The following FRMD5 variants were observed in gnomAD, a reference collection of about 807,000 sequenced individuals.
The protein encoded by FRMD5 is FERM domain-containing protein 5.
In FRMD5, 20 loss-of-function variants were observed where a neutral mutation model predicts 69.0. That is an observed-to-expected ratio of 0.29 (90% CI 0.20 to 0.42). FRMD5 has a LOEUF of 0.42. FRMD5 is among the 10% of genes least tolerant of loss of function. The probability of loss-of-function intolerance (pLI) is 1.00; values close to 1 mark genes in which losing one functional copy is unlikely to be tolerated. For missense variants in FRMD5, 595 were observed against 708.6 expected (o/e 0.84, Z 1.82); for synonymous variants, 271 against 260.1 (o/e 1.04, Z -0.40).
chr15:44,034,685 A>G (rs999409693), intron 1 of FRMD5, among the ~76,000 whole-genome samples: 1 of 152,064 alleles, frequency 6.6e-6, no homozygotes, highest in Non-Finnish European at 1.5e-5. Flanking sequence ...CTGTGCCCCA[A>G]CCTCCAAGTT....
chr15:44,160,536 A>C lies in FRMD5; in HGVS notation c.102+34417T>G, dbSNP rs113274552. On this transcript the variant is annotated intron_variant, in intron 1 of 13. Coordinates refer to ENST00000417257, the MANE Select transcript of FRMD5 (RefSeq NM_032892.5). ...ATAAACATTTTAGCAAAAGCAAAAC[A>C]TTGCTCATACTGTTTGTATACTGCT... Among the ~76,000 whole-genome samples, 601 of 152,314 alleles carry C rather than the reference A, an allele frequency of 3.9e-3. 5 individuals carry two copies. Among genetic ancestry groups the C allele is most frequent in the African/African-American group, 0.014 (562 of 41,564 alleles).
intron 1 of FRMD5, among the ~76,000 whole-genome samples, chr15:44,185,512 C>T (rs1335330769): frequency 6.6e-6 from 1 of 152,108 alleles, no homozygotes; most frequent in East Asian, 1.9e-4. Flanking sequence ...AGAGGCAAGG[C>T]CAGGCATGGT....
intron 13 of FRMD5, among the ~76,000 whole-genome samples, chr15:43,878,594 T>C (rs1041441969): frequency 6.6e-6 from 1 of 152,230 alleles, no homozygotes; most frequent in African/African-American, 2.4e-5. Context: ...TATGGGTCAC[T>C]GATAAAGCAG....
At chr15:44,145,421 G>A (rs186998908) in intron 1 of FRMD5, among the ~76,000 whole-genome samples, 322 of 152,108 alleles carry the variant, frequency 2.1e-3, no homozygotes, top group Admixed American at 6.3e-3. Context: ...CATAAATGCA[G>A]TGTTCTTGTA....
intron 1 of FRMD5, among the ~76,000 whole-genome samples, chr15:44,053,071 G>A (rs1409647088): frequency 6.6e-6 from 1 of 152,134 alleles, no homozygotes; most frequent in African/African-American, 2.4e-5. Context: ...GATCTGTTGT[G>A]GATTAGGAGT....
At chr15:43,883,202 C>T (rs1380688174) in intron 13 of FRMD5, among the ~76,000 whole-genome samples, 2 of 151,874 alleles carry the variant, frequency 1.3e-5, no homozygotes, top group African/African-American at 2.4e-5. Flanking sequence ...CAGGCTCAAG[C>T]GAGTCTCCTA....
chr15:44,088,235 C>G (rs1330308051), intron 1 of FRMD5, among the ~76,000 whole-genome samples: 3 of 152,072 alleles, frequency 2.0e-5, no homozygotes, highest in Non-Finnish European at 4.4e-5. Flanking sequence ...ACCATCATCA[C>G]AATCAGTTTT....
At chr15:44,036,039 C>T (rs1263741464) in intron 1 of FRMD5, among the ~76,000 whole-genome samples, 1 of 152,138 alleles carries the variant, frequency 6.6e-6, no homozygotes, top group East Asian at 1.9e-4. Context: ...AGAGAAGCCT[C>T]TGGCCAGAGA....
chr15:44,110,419 G>T (rs887835570), intron 1 of FRMD5, among the ~76,000 whole-genome samples: 2 of 152,224 alleles, frequency 1.3e-5, no homozygotes, highest in African/African-American at 4.8e-5. Flanking sequence ...CAAGGAGTGT[G>T]ATTGCTAGAT....
At chr15:44,127,720 C>T (rs921751468) in intron 1 of FRMD5, among the ~76,000 whole-genome samples, 6 of 151,930 alleles carry the variant, frequency 3.9e-5, no homozygotes, top group East Asian at 3.9e-4. Flanking sequence ...CAAAAAAATA[C>T]AAAAATTAGC....
chr15:43,935,720 C>T lies in FRMD5; in HGVS notation c.103-11411G>A, dbSNP rs146212216. Among the ~76,000 whole-genome samples, 838 of 152,246 alleles carry T rather than the reference C, an allele frequency of 5.5e-3. 5 individuals are homozygous for T. Among genetic ancestry groups the T allele is most frequent in the Non-Finnish European group, 8.6e-3 (584 of 68,026 alleles). On this transcript the variant is annotated intron_variant, in intron 1 of 13. Transcript: ENST00000417257. ...GGGGTGAGTGGAGGGGAGGCAGGAA[C>T]CTTGAGCCCAGCGGCTCCCTGAGGC...
At chr15:44,032,747 G>A (rs1891737358) in intron 1 of FRMD5, among the ~76,000 whole-genome samples, 2 of 152,224 alleles carry the variant, frequency 1.3e-5, no homozygotes, top group Non-Finnish European at 2.9e-5. Context: ...CTTATACACT[G>A]TTGGTGGGAG....
chr15:44,124,240 G>A (rs532634778), intron 1 of FRMD5, among the ~76,000 whole-genome samples: 6 of 151,804 alleles, frequency 4.0e-5, no homozygotes, highest in South Asian at 4.2e-4. Context: ...TGATCTGCCC[G>A]CCTCGGCCTC....
intron 1 of FRMD5, among the ~76,000 whole-genome samples, chr15:44,139,598 A>G (rs555136429): frequency 6.1e-4 from 93 of 151,870 alleles, no homozygotes; most frequent in African/African-American, 2.1e-3. Context: ...TGGAATAAAA[A>G]AAGACATTAC....
chr15:43,996,900 T>G (rs1215324887), intron 1 of FRMD5, among the ~76,000 whole-genome samples: 1 of 152,088 alleles, frequency 6.6e-6, no homozygotes, highest in Non-Finnish European at 1.5e-5. Context: ...TGATAAACAC[T>G]GCTCTTGAAC....
At chr15:43,876,855 A>T (rs2088374417) in intron 13 of FRMD5, among the ~76,000 whole-genome samples, 1 of 152,186 alleles carries the variant, frequency 6.6e-6, no homozygotes, top group African/African-American at 2.4e-5. Context: ...AGCACAAAAC[A>T]GTTTGAGAAG....
intron 1 of FRMD5, among the ~76,000 whole-genome samples, chr15:44,132,972 G>A (rs549813981): frequency 2.6e-5 from 4 of 151,678 alleles, no homozygotes; most frequent in South Asian, 2.1e-4. Context: ...CACGTTAGCC[G>A]GGATGGTCTC....
intron 7 of FRMD5, among the ~76,000 whole-genome samples, chr15:43,894,421 G>T (rs1167874449): frequency 1.3e-5 from 2 of 152,264 alleles, no homozygotes; most frequent in East Asian, 1.9e-4. Flanking sequence ...ATGTTGAGCA[G>T]ATGAAGGTGT....
chr15:44,158,761 T>C (rs1220094424), intron 1 of FRMD5, among the ~76,000 whole-genome samples: 1 of 152,236 alleles, frequency 6.6e-6, no homozygotes, highest in Non-Finnish European at 1.5e-5. Context: ...GATCAAGAGC[T>C]AATTTGCATA....
Sources: allele counts gnomAD v4.1 joint callset (sites outside exome capture counted in the v4.1 genomes callset), GRCh38; gene constraint gnomAD v4.1.1; transcripts MANE v1.5; gene names NCBI Gene and HGNC (gene_info 2026-07-23, HGNC 2026-07-21).